ATP11B: variants seen among roughly 807,000 people sequenced by gnomAD.
ATP11B encodes ATPase phospholipid transporting 11B (putative).
Under a neutral mutation model 157.8 loss-of-function variants are expected in ATP11B, and 81 were observed. The ratio of observed to expected loss-of-function variants is 0.51; its 90% CI spans 0.43 to 0.62. The LOEUF is 0.62. Among genes scored for constraint, ATP11B ranks in the 20% least tolerant of loss-of-function variants. ATP11B has a pLI of 0.00. For synonymous variants in ATP11B, 451 were observed against 469.4 expected (o/e 0.96, Z 0.51); for missense variants, 1,165 against 1,402.2 (o/e 0.83, Z 2.70).
chr3:182,879,772 G>A, intron 20 of ATP11B, 123 bp downstream of exon 20: 3 of 821,508 alleles, frequency 3.7e-6, no homozygotes, highest in Non-Finnish European at 5.3e-6. Flanking sequence ...CTAGGAGTCA[G>A]TCACATCTCA....
chr3:182,828,077 A>G lies in ATP11B; in HGVS notation c.145-43A>G, dbSNP rs573150634. ...TCTTAATATTATGTCTATATACTTGATATTATTTTTAAATATTAATTTATT... is the reference window on the plus strand; with the variant it reads ...TCTTAATATTATGTCTATATACTTGGTATTATTTTTAAATATTAATTTATT... On this transcript the variant is annotated intron_variant, in intron 2 of 29. Coordinates refer to ENST00000323116, the MANE Select transcript of ATP11B (RefSeq NM_014616.3). 11 of 926,422 alleles carry G rather than the reference A, an allele frequency of 1.2e-5. No homozygotes were observed. The African/African-American group carries it at 1.2e-4, about 10-fold the overall frequency. The allele number at this position is 926,422 out of a possible 1,614,324, so 57.4% of individuals were successfully genotyped here.
In ATP11B at chr3:182,865,548, A is replaced by G. The variant is rs1487194109; in HGVS notation, c.1293A>G (p.Glu431=). Residue 431 remains glutamate (E), a synonymous_variant, in exon 13 of 30, where the codon GAA becomes GAG. Transcript: ENST00000323116. ...CAATTAATGGCATGAAATACCAAGA[A>G]ATTAATGGTAGACTTGTACCCGAAG... ...ECSINGMKYQ[E]INGRLVPEGP... 2 of 1,613,868 alleles carry G rather than the reference A, an allele frequency of 1.2e-6. No individual in the cohort carries two copies. Among genetic ancestry groups the G allele is most frequent in the Admixed American group, 3.3e-5 (2 of 60,024 alleles).
Position 182,820,459 on chromosome 3 carries a change from G to A in ATP11B, c.144+83G>A, listed in dbSNP as rs568074187. On this transcript the variant is annotated intron_variant, in intron 2 of 29. Transcript: ENST00000323116. ...AGCACTTTGGGAGGCCAAGGCGAGA[G>A]GATCGGTTAAGCCCAGGAGTTTGCG... The A allele has an allele frequency of 1.6e-5, 15 of 944,290 alleles. No homozygotes were observed. In the African/African-American group the frequency reaches 2.3e-4, roughly 14 times the overall value. The allele number at this position is 944,290 out of a possible 1,614,324, so 58.5% of individuals were successfully genotyped here.
At chr3:182,909,477 C>G (rs563996423) in intron 28 of ATP11B, among the ~76,000 whole-genome samples, 1 of 151,392 alleles carries the variant, frequency 6.6e-6, no homozygotes, top group African/African-American at 2.4e-5. Context: ...TTTTTCTTTT[C>G]TATTATTTAA....
Position 182,898,657 on chromosome 3 carries a change from C to CA in ATP11B, c.3205dup (p.Ser1069LysfsTer19), listed in dbSNP as rs1224170324. 1 of 1,609,562 alleles carries CA rather than the reference C, an allele frequency of 6.2e-7. No individual in the cohort carries two copies. Among genetic ancestry groups the CA allele is most frequent in the Non-Finnish European group, 8.5e-7 (1 of 1,177,954 alleles). ...TATTTTGTGTTTATTCAGCTCCTGT[C>CA]AAGTGGTTCTGCTTGGTTTGCCATA... On this transcript the variant is annotated frameshift_variant, in exon 28 of 30. Coordinates refer to ENST00000323116, the MANE Select transcript of ATP11B (RefSeq NM_014616.3). LOFTEE classifies it high-confidence loss of function.
chr3:182,867,896 T>C (rs548088670), intron 15 of ATP11B, among the ~76,000 whole-genome samples: 72 of 152,276 alleles, frequency 4.7e-4, no homozygotes, highest in African/African-American at 1.7e-3. Flanking sequence ...AAGGGTTGTT[T>C]TAAAAAGAGG....
At chr3:182,860,432 T>C (rs1469282882) in intron 12 of ATP11B, among the ~76,000 whole-genome samples, 1 of 152,226 alleles carries the variant, frequency 6.6e-6, no homozygotes, top group African/African-American at 2.4e-5. Context: ...GATCTCCTTA[T>C]GCAATAGTTC....
chr3:182,897,431 T>G (rs370247559), intron 27 of ATP11B, 25 bp downstream of exon 27: 8 of 1,406,596 alleles, frequency 5.7e-6, no homozygotes, highest in Non-Finnish European at 7.8e-6. Flanking sequence ...TGTATTTTAA[T>G]TGGATTGCTT....
intron 12 of ATP11B, among the ~76,000 whole-genome samples, chr3:182,859,943 C>T (rs887491454): frequency 2.0e-5 from 2 of 101,044 alleles, no homozygotes; most frequent in African/African-American, 6.9e-5. Context: ...TTCCTCCCTG[C>T]CTTCCTTTTT....
intron 1 of ATP11B, among the ~76,000 whole-genome samples, chr3:182,802,819 A>G (rs1178264204): frequency 6.6e-6 from 1 of 152,060 alleles, no homozygotes; most frequent in Non-Finnish European, 1.5e-5. Flanking sequence ...TTTGTTCTCC[A>G]TTTAACAAAA....
intron 1 of ATP11B, among the ~76,000 whole-genome samples, chr3:182,797,691 G>T (rs538236713): frequency 6.6e-6 from 1 of 150,752 alleles, no homozygotes; most frequent in Non-Finnish European, 1.5e-5. Flanking sequence ...CTGGGTGACA[G>T]AGGGAGACTC....
chr3:182,828,888 A>G (rs368956805), intron 3 of ATP11B, among the ~76,000 whole-genome samples: 57 of 152,216 alleles, frequency 3.7e-4, no homozygotes, highest in Admixed American at 1.4e-3. Flanking sequence ...AAACTTGGCA[A>G]TTTCAGTGTA....
intron 19 of ATP11B, among the ~76,000 whole-genome samples, chr3:182,874,752 C>T: frequency 6.6e-6 from 1 of 152,128 alleles, no homozygotes; most frequent in East Asian, 1.9e-4. Flanking sequence ...AGTACTATCC[C>T]TTGCCCAAAA....
chr3:182,916,812 T>A, intron 29 of ATP11B: 1 of 985,244 alleles, frequency 1.0e-6, no homozygotes, highest in Non-Finnish European at 1.2e-6. Context: ...ATTGGCAGTT[T>A]GGAATTGGAC....
At chr3:182,827,974 A>C (rs1466708988) in intron 2 of ATP11B, 146 bp from the exon 3 acceptor site, 1 of 362,028 alleles carries the variant, frequency 2.8e-6, no homozygotes, top group East Asian at 4.1e-5. Flanking sequence ...CCTGAACTCT[A>C]AAAGCCAGAT....
At chr3:182,807,714 CTG>C (rs902707027) in intron 1 of ATP11B, among the ~76,000 whole-genome samples, 2 of 152,056 alleles carry the variant, frequency 1.3e-5, no homozygotes, top group African/African-American at 2.4e-5. Context: ...TTATAATATT[CTG>C]TAGGAAAATA....
Position 182,866,276 on chromosome 3 carries a change from AC to A in ATP11B, c.1453del (p.His485MetfsTer50). 1 of 1,570,332 alleles carries A rather than the reference AC, an allele frequency of 6.4e-7. No individual in the cohort carries two copies. Among genetic ancestry groups the A allele is most frequent in the Non-Finnish European group, 8.7e-7 (1 of 1,154,114 alleles). ...PENETELIKE[H>X]DLFFKAVSLC... ...TAATTACATTTTTACAGATTAAAGA[AC>A]ATGATCTCTTCTTTAAAGCAGTCAG... is the stretch of plus-strand genomic sequence containing the variant. On this transcript the variant is annotated frameshift_variant, in exon 14 of 30. Coordinates refer to ENST00000323116, the MANE Select transcript of ATP11B (RefSeq NM_014616.3). LOFTEE classifies it high-confidence loss of function.
At chr3:182,900,812 G>A (rs1031516300) in intron 28 of ATP11B, among the ~76,000 whole-genome samples, 1 of 152,052 alleles carries the variant, frequency 6.6e-6, no homozygotes, top group Non-Finnish European at 1.5e-5. Context: ...TTGGGAGGCC[G>A]AGGCGGGTGG....
intron 7 of ATP11B, among the ~76,000 whole-genome samples, chr3:182,838,164 C>A (rs916774652): frequency 6.6e-6 from 1 of 151,924 alleles, no homozygotes. Context: ...TGTATACTTT[C>A]ATCAAAGTCA....
Sources: allele counts gnomAD v4.1 joint callset (sites outside exome capture counted in the v4.1 genomes callset), GRCh38; gene constraint gnomAD v4.1.1; transcripts MANE v1.5; gene names NCBI Gene and HGNC (gene_info 2026-07-23, HGNC 2026-07-21).